CYP24A1: variants seen among roughly 807,000 people sequenced by gnomAD.
The protein encoded by CYP24A1 is cytochrome P450 family 24 subfamily A member 1.
A neutral mutation model predicts 62.4 loss-of-function variants in CYP24A1; 68 were observed. The observed-to-expected ratio is 1.09, with a 90% confidence interval of 0.90 to 1.33. The LOEUF (loss-of-function observed/expected upper bound fraction) is 1.33. CYP24A1 is among the 40% of genes most tolerant of loss of function. The pLI is 0.00. For missense variants in CYP24A1, 787 were observed against 653.0 expected, an observed-to-expected ratio of 1.21 and a Z score of -2.24; for synonymous variants, 267 against 253.0, an observed-to-expected ratio of 1.06 and a Z score of -0.52.
At chr20:54,170,966 T>C (rs2092691813) in intron 3 of CYP24A1, among the ~76,000 whole-genome samples, 1 of 152,196 alleles carries the variant, frequency 6.6e-6, no homozygotes, top group Non-Finnish European at 1.5e-5. Flanking sequence ...TACAAAAATA[T>C]TGTTAAGACC....
At chr20:54,166,415 A>G (rs566366216) in intron 4 of CYP24A1, among the ~76,000 whole-genome samples, 3 of 152,286 alleles carry the variant, frequency 2.0e-5, no homozygotes, top group Admixed American at 2.0e-4. Context: ...AAGTTGAAGG[A>G]ATGGTAAAAT....
In CYP24A1 at chr20:54,173,813, G is replaced by A; in HGVS notation, c.-234C>T. Reference sequence around the variant, plus strand: ...GCATTGGTGCCTCCTTGCACTGGCCGCAGGGGCTGGAAGAGGGTGGCCGGT... The same window carrying A: ...GCATTGGTGCCTCCTTGCACTGGCCACAGGGGCTGGAAGAGGGTGGCCGGT... On this transcript the variant is annotated 5_prime_UTR_variant, in exon 1 of 12. Transcript: ENST00000216862. The surrounding 1 kb of genome is among the most constrained non-coding windows in gnomAD (Gnocchi z 7.2). 1 of 581,208 alleles carries A rather than the reference G, an allele frequency of 1.7e-6. No individual in the cohort carries two copies. Among genetic ancestry groups the A allele is most frequent in the Non-Finnish European group, 3.1e-6 (1 of 326,214 alleles). 36.0% of individuals were successfully genotyped at this position (581,208 alleles called of 1,614,324 possible). A position where few individuals can be genotyped will look rare whatever the true frequency, so the allele number is the denominator to read the frequency against.
At chr20:54,150,793 T>C (rs1221697863), downstream of CYP24A1, among the ~76,000 whole-genome samples, 2 of 152,204 alleles carry the variant, frequency 1.3e-5, no homozygotes, top group Non-Finnish European at 2.9e-5. Context: ...ATCAGAAAAT[T>C]TGAAATGTAC....
At position 54,171,811 on chromosome 20, in the gene CYP24A1, C is replaced by T. The variant is rs1207902927; in HGVS notation, c.450-141G>A. ...CCAAGAAATAGCCAGAGAATATTAG[C>T]ATCAGAATATTTGGGATAAAATAGT... On this transcript the variant is annotated intron_variant, in intron 2 of 11. Coordinates refer to ENST00000216862, the MANE Select transcript of CYP24A1 (RefSeq NM_000782.5). 5.2e-6 allele frequency: 8 copies of T among 1,533,784 alleles called. No homozygotes were observed. In the African/African-American group the frequency reaches 1.1e-4, roughly 21 times the overall value.
At chr20:54,161,849 T>G (rs544310371) in intron 7 of CYP24A1, among the ~76,000 whole-genome samples, 1 of 152,160 alleles carries the variant, frequency 6.6e-6, no homozygotes, top group East Asian at 1.9e-4. Flanking sequence ...CTACCTTTAC[T>G]TCAGGCAAGA....
chr20:54,168,846 TCTTCCTTCCTTCCTTCCTTCCTTCCTTC>T (rs1195139713), intron 4 of CYP24A1, among the ~76,000 whole-genome samples: 2,600 of 43,324 alleles, frequency 0.06, 59 homozygotes, highest in Middle Eastern at 0.1. Context: ...CTCCCTCCCT[TCTTCCTTCCTTCCTTCCTTCCTTCCTTC>T]CTTCCTTCCT....
At chr20:54,164,308 C>A in intron 6 of CYP24A1, 144 bp downstream of exon 6, 1 of 1,480,290 alleles carries the variant, frequency 6.8e-7, no homozygotes, top group Non-Finnish European at 9.3e-7. Context: ...TTTGTGTATG[C>A]TGGGGCAATC....
At position 54,158,094 on chromosome 20, in the gene CYP24A1, G is replaced by A. The variant is rs758978626; in HGVS notation, c.1228C>T (p.Pro410Ser). ...KATVLGEYAL[P>S]KGTVLMLNTQ... ...ATACAAATTCTACTTACTCCTTTGG[G>A]TAAAGCATATTCACCCAGAACTGTT... Residue 410 changes from proline (P) to serine (S), a missense_variant, in exon 9 of 12, where the codon CCC (proline) becomes TCC (serine). Coordinates refer to ENST00000216862, the MANE Select transcript of CYP24A1 (RefSeq NM_000782.5). 3.7e-6 allele frequency: 6 copies of A among 1,613,842 alleles called. No individual in the cohort carries two copies. Among genetic ancestry groups the A allele is most frequent in the Admixed American group, 3.3e-5 (2 of 60,026 alleles).
In CYP24A1 at chr20:54,173,319, T is replaced by G; in HGVS notation, c.258+3A>C. 6.2e-7 allele frequency: 1 copy of G among 1,608,260 alleles called. No homozygotes were observed. The highest frequency in any genetic ancestry group is 1.1e-5 in the South Asian group (1 of 90,184). ...AGAGTCAGGGGCGCGAAAAGGGGTT[T>G]ACCAGGGTGTCGTGCTGTTTCTTGA... On this transcript the variant is annotated splice_donor_region_variant and intron_variant, in intron 1 of 11. Transcript: ENST00000216862. This position sits in a 1 kb window ranked among gnomAD's most constrained non-coding sequence, Gnocchi z 7.2.
At chr20:54,166,284 G>A (rs1260996322) in intron 4 of CYP24A1, among the ~76,000 whole-genome samples, 1 of 152,180 alleles carries the variant, frequency 6.6e-6, no homozygotes, top group Non-Finnish European at 1.5e-5. Context: ...TTACACGCCA[G>A]GTACTGGGCT....
At position 54,159,105 on chromosome 20, in the gene CYP24A1, A is replaced by T; in HGVS notation, c.1009T>A (p.Trp337Arg). ...AVETTANSLM[W>R]ILYNLSRNPQ... ...TTACGGGATAAATTGTAGAGAATCC[A>T]CATTAGACTGTTTGCTGTCTGCAAG... is the stretch of plus-strand genomic sequence containing the variant. The change falls in exon 8 of 12, where the codon TGG (tryptophan) becomes AGG (arginine). Residue 337 changes from tryptophan to arginine, a missense_variant. Trp to Arg is a moderately radical substitution (Grantham distance 101, BLOSUM62 -3). Transcript: ENST00000216862. The T allele has an allele frequency of 6.2e-7, 1 of 1,613,858 alleles. No individual in the cohort carries two copies. Among genetic ancestry groups the T allele is most frequent in the Non-Finnish European group, 8.5e-7 (1 of 1,179,726 alleles).
chr20:54,162,238 T>G (rs940875974), intron 7 of CYP24A1, among the ~76,000 whole-genome samples: 5 of 133,910 alleles, frequency 3.7e-5, no homozygotes, highest in East Asian at 4.0e-4. Flanking sequence ...TTTTTTTTTT[T>G]TTTTTTTTTT....
At chr20:54,156,668 C>T (rs1269487493) in intron 11 of CYP24A1, among the ~76,000 whole-genome samples, 2 of 152,126 alleles carry the variant, frequency 1.3e-5, no homozygotes, top group African/African-American at 2.4e-5. Context: ...AGATGTGTGT[C>T]GTGTAACTCA....
chr20:54,152,790 GA>G, downstream of CYP24A1, among the ~76,000 whole-genome samples: 1 of 152,252 alleles, frequency 6.6e-6, no homozygotes, highest in Non-Finnish European at 1.5e-5. Context: ...AGAGCAATGG[GA>G]AGCCCCAGAG....
chr20:54,159,771 A>C (rs1393279558), intron 7 of CYP24A1, among the ~76,000 whole-genome samples: 1 of 152,210 alleles, frequency 6.6e-6, no homozygotes, highest in South Asian at 2.1e-4. Context: ...TAGTGGGTTA[A>C]ATCAATGCCA....
rs781002878 is a variant in CYP24A1, at chr20:54,157,175, C to T, written c.*4G>A. The T allele has an allele frequency of 1.1e-5, 17 of 1,491,606 alleles. No individual in the cohort carries two copies. The highest frequency in any genetic ancestry group is 4.2e-5 in the African/African-American group (3 of 72,004). 92.4% of individuals were successfully genotyped at this position (1,491,606 alleles called of 1,614,324 possible). A position where few individuals can be genotyped will look rare whatever the true frequency, so the allele number is the denominator to read the frequency against. ...GAACCGCCTAGATGCTCACCTGAGG[C>T]GTATTATCGCTGGCAAAACGCGATG... On this transcript the variant is annotated 3_prime_UTR_variant, in exon 11 of 12. Coordinates refer to ENST00000216862, the MANE Select transcript of CYP24A1 (RefSeq NM_000782.5).
intron 5 of CYP24A1, among the ~76,000 whole-genome samples, 156 bp from the exon 6 acceptor site, chr20:54,164,719 G>T (rs967466694): frequency 3.9e-5 from 6 of 151,948 alleles, no homozygotes; most frequent in Non-Finnish European, 7.4e-5. Flanking sequence ...CCGGTCCTGG[G>T]AGCAATGCCC....
intron 3 of CYP24A1, 121 bp downstream of exon 3, chr20:54,171,456 C>T (rs1210151433): frequency 1.3e-6 from 2 of 1,588,156 alleles, no homozygotes; most frequent in Non-Finnish European, 1.7e-6. Flanking sequence ...GAGAAGACCC[C>T]CACTTTGAAT....
chr20:54,158,308 G>A, intron 8 of CYP24A1, 144 bp from the exon 9 acceptor site: 1 of 1,490,944 alleles, frequency 6.7e-7, no homozygotes, highest in Non-Finnish European at 9.0e-7. Flanking sequence ...TCCTAAAGAA[G>A]TTGTTTTTTT....
Sources: gnomAD v4.1 joint callset for allele counts (sites outside exome capture counted in the v4.1 genomes callset) on GRCh38, gnomAD v4.1.1 for gene constraint, Gnocchi (gnomAD v3.1) non-coding constraint, MANE v1.5 for transcripts, NCBI Gene and HGNC (gene_info 2026-07-23, HGNC 2026-07-21) for gene names.